Variants in VTI1A observed in about 807,000 individuals in gnomAD.
The protein encoded by VTI1A is vesicle transport through interaction with t-SNAREs homolog 1A.
Under a neutral mutation model 34.9 loss-of-function variants are expected in VTI1A, and 22 were observed. The observed-to-expected ratio is 0.63, with a 90% CI of 0.45 to 0.90. The LOEUF is 0.90. Ranked by LOEUF, VTI1A falls within the 40% of genes least tolerant of loss-of-function variation. VTI1A has a pLI of 0.00. For synonymous variants in VTI1A, 87 were observed against 97.3 expected (o/e 0.89, Z 0.62); for missense variants, 268 against 275.6 (o/e 0.97, Z 0.20).
At chr10:112,535,075 C>T (rs1015605716) in intron 4 of VTI1A, among the ~76,000 whole-genome samples, 5 of 152,234 alleles carry the variant, frequency 3.3e-5, no homozygotes, top group East Asian at 1.9e-4. Context: ...TAAAGCATCA[C>T]GTCTGCATTT....
chr10:112,485,448 C>G (rs1183855256), intron 3 of VTI1A, among the ~76,000 whole-genome samples: 2 of 152,124 alleles, frequency 1.3e-5, no homozygotes, highest in African/African-American at 2.4e-5. Flanking sequence ...ATTTCAATAA[C>G]TTTTTGACAT....
chr10:112,577,703 C>T (rs1036419200), intron 5 of VTI1A, among the ~76,000 whole-genome samples: 7 of 152,172 alleles, frequency 4.6e-5, no homozygotes, highest in African/African-American at 1.7e-4. Flanking sequence ...GAACATTATC[C>T]TGGTAGTAGT....
At chr10:112,828,550 C>T in the VTI1A span, among the ~76,000 whole-genome samples, 4 of 151,902 alleles carry the variant, frequency 2.6e-5, no homozygotes, top group African/African-American at 4.8e-5. Flanking sequence ...GGACTACAGG[C>T]GCCCGCCACC....
intron 5 of VTI1A, among the ~76,000 whole-genome samples, chr10:112,653,724 A>T (rs549362633): frequency 4.6e-5 from 7 of 152,358 alleles, no homozygotes; most frequent in South Asian, 2.1e-4. Context: ...GGAGGGGAGC[A>T]TTCATTGCAG....
At chr10:112,462,902 T>TTATC (rs1341359295) in intron 2 of VTI1A, among the ~76,000 whole-genome samples, 3 of 96,928 alleles carry the variant, frequency 3.1e-5, no homozygotes, top group Non-Finnish European at 6.0e-5. Flanking sequence ...TGGTTTTTAT[T>TTATC]TATTTATTTA....
chr10:112,597,635 A>G (rs545628190), intron 5 of VTI1A, among the ~76,000 whole-genome samples: 21 of 145,130 alleles, frequency 1.4e-4, no homozygotes, highest in African/African-American at 5.3e-4. Context: ...GTGAGCTATG[A>G]TTGCACCTGT....
At chr10:112,605,182 T>C (rs7911550) in intron 5 of VTI1A, among the ~76,000 whole-genome samples, 120,349 of 152,074 alleles carry the variant, frequency 0.79, 48,575 homozygotes, top group African/African-American at 0.93. Flanking sequence ...CAGGCGACCT[T>C]GTCCAGGAGT....
intron 7 of VTI1A, among the ~76,000 whole-genome samples, chr10:112,764,619 G>A (rs186504557): frequency 2.0e-5 from 3 of 152,134 alleles, no homozygotes; most frequent in Admixed American, 6.5e-5. Context: ...TTTTTCTCTG[G>A]ATATATACCT....
At chr10:112,810,855 G>A (rs565441931) in intron 7 of VTI1A, among the ~76,000 whole-genome samples, 1 of 152,274 alleles carries the variant, frequency 6.6e-6, no homozygotes, top group African/African-American at 2.4e-5. Context: ...AGCATTGGCT[G>A]GAAGAAGCTC....
intron 7 of VTI1A, among the ~76,000 whole-genome samples, chr10:112,671,306 C>T (rs907517703): frequency 6.6e-6 from 1 of 152,272 alleles, no homozygotes; most frequent in Non-Finnish European, 1.5e-5. Flanking sequence ...ATAGCTATAT[C>T]GTGTGTCAAC....
chr10:112,539,368 A>C (rs1357853438), intron 5 of VTI1A, among the ~76,000 whole-genome samples: 1 of 152,162 alleles, frequency 6.6e-6, no homozygotes, highest in East Asian at 1.9e-4. Flanking sequence ...TGGTTGGTTA[A>C]TGTGATGAAT....
At chr10:112,672,982 C>T (rs1847902517) in intron 7 of VTI1A, among the ~76,000 whole-genome samples, 1 of 152,050 alleles carries the variant, frequency 6.6e-6, no homozygotes, top group African/African-American at 2.4e-5. Flanking sequence ...TTTACCTTGG[C>T]TCCTCCGCTG....
Position 112,619,842 on chromosome 10 carries a change from G to C in VTI1A, c.428-48376G>C, listed in dbSNP as rs534616485. Among the ~76,000 whole-genome samples, 39 of 152,292 alleles carry C rather than the reference G, an allele frequency of 2.6e-4. No individual in the cohort carries two copies. In the South Asian group the frequency reaches 6.8e-3, roughly 27 times the overall value. On this transcript the variant is annotated intron_variant, in intron 5 of 7. Coordinates refer to ENST00000393077, the MANE Select transcript of VTI1A (RefSeq NM_145206.4). Reference sequence around the variant, plus strand: ...GTACATATGTAGTGGGATCAGGAAGGGAGGATGGAAGTTAGAGGTGGAAGG... The same window carrying C: ...GTACATATGTAGTGGGATCAGGAAGCGAGGATGGAAGTTAGAGGTGGAAGG...
At chr10:112,753,379 A>AT (rs1259391174) in intron 7 of VTI1A, among the ~76,000 whole-genome samples, 1 of 152,014 alleles carries the variant, frequency 6.6e-6, no homozygotes, top group Non-Finnish European at 1.5e-5. Flanking sequence ...TTTGTCTTTT[A>AT]TTTTTTGTTT....
intron 7 of VTI1A, among the ~76,000 whole-genome samples, chr10:112,801,242 G>A (rs1274155090): frequency 6.6e-6 from 1 of 152,168 alleles, no homozygotes; most frequent in Non-Finnish European, 1.5e-5. Flanking sequence ...CACCAATCAC[G>A]TCTGCCCTGG....
intron 5 of VTI1A, among the ~76,000 whole-genome samples, chr10:112,623,960 G>C (rs909343998): frequency 6.6e-6 from 1 of 152,218 alleles, no homozygotes; most frequent in African/African-American, 2.4e-5. Flanking sequence ...TGTAGCAGCA[G>C]ATCTATTTGC....
chr10:112,825,378 G>A, the VTI1A span: 3 of 152,294 alleles, frequency 2.0e-5, no homozygotes, highest in Non-Finnish European at 4.4e-5. Flanking sequence ...GTGGGGCATG[G>A]TGGCAGCAGT....
At chr10:112,685,827 A>G (rs1458140031) in intron 7 of VTI1A, among the ~76,000 whole-genome samples, 2 of 152,060 alleles carry the variant, frequency 1.3e-5, no homozygotes, top group Non-Finnish European at 2.9e-5. Context: ...GACTGTCTTT[A>G]TTGGAAAGAA....
chr10:112,698,701 G>A (rs985210027), intron 7 of VTI1A, among the ~76,000 whole-genome samples: 8 of 152,176 alleles, frequency 5.3e-5, no homozygotes, highest in South Asian at 2.1e-4. Context: ...TTTAACACCC[G>A]TCTCGCACAT....
Sources: allele counts gnomAD v4.1 joint callset (sites outside exome capture counted in the v4.1 genomes callset), GRCh38; gene constraint gnomAD v4.1.1; transcripts MANE v1.5; gene names NCBI Gene and HGNC (gene_info 2026-07-23, HGNC 2026-07-21).